The following CTC1 variants were observed in gnomAD, a reference collection of about 807,000 sequenced individuals.
CTC1 encodes the protein CST telomere replication complex component 1, also known as CST complex subunit CTC1.
Under a neutral mutation model 136.3 loss-of-function variants are expected in CTC1, and 91 were observed. The ratio of observed to expected loss-of-function variants is 0.67; its 90% CI spans 0.56 to 0.79. The LOEUF (loss-of-function observed/expected upper bound fraction) is 0.79. Ranked by LOEUF, CTC1 falls within the 30% of genes least tolerant of loss-of-function variation. CTC1 has a pLI of 0.00. For missense variants in CTC1, 1,432 were observed against 1,498.1 expected, an observed-to-expected ratio of 0.96 and a Z score of 0.73; for synonymous variants, 606 against 613.8, an observed-to-expected ratio of 0.99 and a Z score of 0.19.
intron 1 of CTC1, among the ~76,000 whole-genome samples, chr17:8,246,257 A>AATAC (rs1275188592): frequency 1.3e-5 from 2 of 151,444 alleles, no homozygotes; most frequent in African/African-American, 4.8e-5. Flanking sequence ...GATCCAGATT[A>AATAC]ATACAGGCTG....
intron 14 of CTC1, 121 bp downstream of exon 14, chr17:8,231,605 G>T: frequency 1.6e-6 from 2 of 1,226,622 alleles, no homozygotes; most frequent in Non-Finnish European, 2.4e-6. Flanking sequence ...GCTTTCTGGT[G>T]TATCTAAATC....
intron 22 of CTC1, 32 bp downstream of exon 22, chr17:8,228,471 T>C (rs1042810195): frequency 1.1e-5 from 17 of 1,613,894 alleles, no homozygotes; most frequent in Admixed American, 8.3e-5. Context: ...ATGATCCCCC[T>C]ATCATCATGA....
Position 8,234,580 on chromosome 17 carries a change from C to T in CTC1, c.1693G>A (p.Ala565Thr), listed in dbSNP as rs2151517418. Reference sequence around the variant, plus strand: ...AGAAGGGCCTTAGGGTCAAAGGAGGCCCAGGCCTTACGCTGTCCTTCTTCT... The same window carrying T: ...AGAAGGGCCTTAGGGTCAAAGGAGGTCCAGGCCTTACGCTGTCCTTCTTCT... ...LKEEGQRKAW[A>T]SFDPKALLPL... The change falls in exon 10 of 23, where the codon GCC (alanine) becomes ACC (threonine). Residue 565 changes from alanine to threonine, a missense_variant. Physicochemically the swap from Ala to Thr is moderately conservative, Grantham distance 58. Transcript: ENST00000651323. The T allele has an allele frequency of 6.2e-7, 1 of 1,606,316 alleles. No individual in the cohort carries two copies. The highest frequency in any genetic ancestry group is 8.5e-7 in the Non-Finnish European group (1 of 1,176,338).
At position 8,229,305 on chromosome 17, in the gene CTC1, C is replaced by T. The variant is rs3027242; in HGVS notation, c.3153G>A (p.Arg1051=). 1.2e-6 allele frequency: 2 copies of T among 1,614,176 alleles called. No homozygotes were observed. Among genetic ancestry groups the T allele is most frequent in the Non-Finnish European group, 8.5e-7 (1 of 1,180,034 alleles). Residue 1051 remains arginine (R), a synonymous_variant, in exon 19 of 23, where the codon CGG becomes CGA. Transcript: ENST00000651323. The part of the protein sequence containing the change: ...WVCAYCTSIC[R]QGKCTRLGST... ...GCCTGTTCCTTCCCTCCCTTACCTG[C>T]CGGCAGATGCTGGTACAATAAGCAC...
rs750590582 is a variant in CTC1, at chr17:8,230,390, A to G, written c.2837T>C (p.Leu946Pro). 6.2e-7 allele frequency: 1 copy of G among 1,614,164 alleles called. No homozygotes were observed. The highest frequency in any genetic ancestry group is 8.5e-7 in the Non-Finnish European group (1 of 1,180,028). ...GTGTGGGTCTTCTATATATACATCCAGGTGAGGGGGGAATTCACATTCAGC... is the reference window on the plus strand; with the variant it reads ...GTGTGGGTCTTCTATATATACATCCGGGTGAGGGGGGAATTCACATTCAGC... ...ETAECEFPPHLDVYIEDPHLP... is the reference protein window; with the variant it reads ...ETAECEFPPHPDVYIEDPHLP... The change falls in exon 17 of 23, where the codon CTG becomes CCG. Residue 946 changes from leucine to proline, a missense_variant. Transcript: ENST00000651323.
chr17:8,233,239 G>A (rs890835375), intron 10 of CTC1: 25 of 561,548 alleles, frequency 4.5e-5, no homozygotes, highest in African/African-American at 1.5e-4. Flanking sequence ...AAGAGAAAGC[G>A]CACAAATAGA....
Position 8,228,792 on chromosome 17 carries a change from G to A in CTC1, c.3322C>T (p.Leu1108=). 6.2e-7 allele frequency: 1 copy of A among 1,614,108 alleles called. No homozygotes were observed. Among genetic ancestry groups the A allele is most frequent in the Non-Finnish European group, 8.5e-7 (1 of 1,180,006 alleles). ...CTGCCTGGCACTTGGACGAAATCTA[G>A]GAGGGAGGCCCACTCTCTAGGACAC... ...GLCPREWASL[L]DFVQVPGRVV... Residue 1108 remains leucine (L), a synonymous_variant, in exon 21 of 23, where the codon CTA becomes TTA. Coordinates refer to ENST00000651323, the MANE Select transcript of CTC1 (RefSeq NM_025099.6).
At position 8,235,233 on chromosome 17, in the gene CTC1, A is replaced by G. The variant is rs1400316079; in HGVS notation, c.1259T>C (p.Val420Ala). The stretch of plus-strand genomic sequence containing the variant: ...GGCGCCACGGAGGCAGGGGGCGAGC[A>G]CTGGCCTTCTTGTCCCCCCTCCCAC... ...QSVGGGTRRP[V>A]LAPCLRGAVL... The change falls in exon 8 of 23, where the codon GTG becomes GCG. Residue 420 changes from valine to alanine, a missense_variant. By Grantham distance (64) the Val-to-Ala change is moderately conservative (BLOSUM62 0). Coordinates refer to ENST00000651323, the MANE Select transcript of CTC1 (RefSeq NM_025099.6). The G allele has an allele frequency of 6.2e-7, 1 of 1,614,010 alleles. No individual in the cohort carries two copies. Among genetic ancestry groups the G allele is most frequent in the Non-Finnish European group, 8.5e-7 (1 of 1,180,020 alleles).
At chr17:8,242,553 A>AATATAT (rs1242237744) in intron 2 of CTC1, among the ~76,000 whole-genome samples, 22 of 60,382 alleles carry the variant, frequency 3.6e-4, no homozygotes, top group African/African-American at 1.2e-3. Flanking sequence ...AAAAAAAAAA[A>AATATAT]ATATATATAT....
In CTC1 at chr17:8,226,376, T is replaced by C. The variant is rs1006423678; in HGVS notation, c.*1804A>G. On this transcript the variant is annotated 3_prime_UTR_variant, in exon 23 of 23. Transcript: ENST00000651323. ...AGAGCTAGGAACCCGGACCGAGCTTTTTCAGATCTTTCTAGAACTAATTTG... is the reference window on the plus strand; with the variant it reads ...AGAGCTAGGAACCCGGACCGAGCTTCTTCAGATCTTTCTAGAACTAATTTG... 6.6e-6 allele frequency: 1 copy of C among 152,186 alleles called. No individual in the cohort carries two copies. Among genetic ancestry groups the C allele is most frequent in the African/African-American group, 2.4e-5 (1 of 41,456 alleles). 9.4% of individuals were successfully genotyped at this position (152,186 alleles called of 1,614,324 possible). A position where few individuals can be genotyped will look rare whatever the true frequency, so the allele number is the denominator to read the frequency against.
rs933500736 is a variant in CTC1, at chr17:8,226,568, C to T, written c.*1612G>A. ...AGGGTGCCGACTGGATCATCCCATCCTGGAGAGAAATATGGTCAGTATGCT... is the reference window on the plus strand; with the variant it reads ...AGGGTGCCGACTGGATCATCCCATCTTGGAGAGAAATATGGTCAGTATGCT... On this transcript the variant is annotated 3_prime_UTR_variant, in exon 23 of 23. Coordinates refer to ENST00000651323, the MANE Select transcript of CTC1 (RefSeq NM_025099.6). The T allele has an allele frequency of 1.3e-5, 2 of 152,028 alleles. No individual in the cohort carries two copies. The highest frequency in any genetic ancestry group is 4.8e-5 in the African/African-American group (2 of 41,366). 9.4% of individuals were successfully genotyped at this position (152,028 alleles called of 1,614,324 possible). A position where few individuals can be genotyped will look rare whatever the true frequency, so the allele number is the denominator to read the frequency against.
At position 8,243,082 on chromosome 17, in the gene CTC1, G is replaced by A. The variant is rs374857685; in HGVS notation, c.100C>T (p.Pro34Ser). Reference sequence around the variant, plus strand: ...ACCAATGGAGTCAACTGGACATTAGGCTCCTTGACAGCTGGACACAGGGTC... The same window carrying A: ...ACCAATGGAGTCAACTGGACATTAGACTCCTTGACAGCTGGACACAGGGTC... ...QKTLCPAVKE[P>S]NVQLTPLVID... The change falls in exon 2 of 23, where the codon CCT becomes TCT. Residue 34 changes from proline to serine, a missense_variant. Pro to Ser is a moderately conservative substitution (Grantham distance 74). Transcript: ENST00000651323. 6.8e-6 allele frequency: 11 copies of A among 1,613,662 alleles called. No individual in the cohort carries two copies. Among genetic ancestry groups the A allele is most frequent in the Non-Finnish European group, 9.3e-6 (11 of 1,179,728 alleles).
chr17:8,228,745 C>A lies in CTC1; in HGVS notation c.3369G>T (p.Gly1123=), dbSNP rs759771248. 3 of 1,614,082 alleles carry A rather than the reference C, an allele frequency of 1.9e-6. No homozygotes were observed. The highest frequency in any genetic ancestry group is 2.2e-5 in the South Asian group (2 of 91,074). The change falls in exon 21 of 23, where the codon GGG becomes GGT. Residue 1123 remains glycine (G), a synonymous_variant. Coordinates refer to ENST00000651323, the MANE Select transcript of CTC1 (RefSeq NM_025099.6). The part of the protein sequence containing the change: ...VPGRVVLQFA[G]PGAQLESSAR... ...ATTACACCTCAAGTTGGGCTCCAGG[C>A]CCTGCAAACTGCAAGACCACTCTGC... is the stretch of plus-strand genomic sequence containing the variant.
At chr17:8,236,470 T>G in intron 5 of CTC1, 128 bp from the exon 6 acceptor site, 1 of 930,598 alleles carries the variant, frequency 1.1e-6, no homozygotes, top group Non-Finnish European at 1.6e-6. Flanking sequence ...CCTCTCCATC[T>G]TCCCTATGTC....
Position 8,232,453 on chromosome 17 carries a change from C to A in CTC1, c.1968G>T (p.Arg656Ser). The change falls in exon 12 of 23, where the codon AGG (arginine) becomes AGT (serine). Residue 656 changes from arginine (R) to serine (S), a missense_variant. Transcript: ENST00000651323. Reference sequence around the variant, plus strand: ...CGTCCCTCTCTACGATCAACTGAAACCTCTCTGCCCGCACCAGGCAGCCTA... The same window carrying A: ...CGTCCCTCTCTACGATCAACTGAAAACTCTCTGCCCGCACCAGGCAGCCTA... ...RLIGCLVRAE[R>S]FQLIVERDVR... 1 of 1,614,116 alleles carries A rather than the reference C, an allele frequency of 6.2e-7. No individual in the cohort carries two copies. Among genetic ancestry groups the A allele is most frequent in the South Asian group, 1.1e-5 (1 of 91,084 alleles).
rs376349076 is a variant in CTC1 at position 8,229,194 on chromosome 17, G to A, written c.3169C>T (p.Arg1057Cys). ...TGCGTAGGGCAAGTGGAGCCCAGGC[G>A]AGTGCACTTTCCCTGGGATGAAGAC... ...TSICRQGKCTRLGSTCPTQTA... is the reference protein window; with the variant it reads ...TSICRQGKCTCLGSTCPTQTA... Residue 1057 changes from arginine to cysteine, a missense_variant, in exon 20 of 23, where the codon CGC (arginine) becomes TGC (cysteine). Physicochemically the swap from Arg to Cys is radical, Grantham distance 180. Transcript: ENST00000651323. 10 of 1,614,160 alleles carry A rather than the reference G, an allele frequency of 6.2e-6. No homozygotes were observed. Among genetic ancestry groups the A allele is most frequent in the South Asian group, 2.2e-5 (2 of 91,062 alleles).
At chr17:8,232,550 G>A (rs1336468576) in intron 11 of CTC1, 75 bp from the exon 12 acceptor site, 8 of 1,216,632 alleles carry the variant, frequency 6.6e-6, no homozygotes, top group African/African-American at 4.5e-5. Flanking sequence ...CCATCCTACC[G>A]GCCTCACTAC....
chr17:8,228,417 C>T, intron 22 of CTC1, 86 bp downstream of exon 22: 2 of 1,609,418 alleles, frequency 1.2e-6, no homozygotes, highest in Non-Finnish European at 8.5e-7. Flanking sequence ...CCCCATCAGT[C>T]CCTCATCCCT....
intron 2 of CTC1, among the ~76,000 whole-genome samples, chr17:8,239,884 A>G (rs931935695): frequency 6.6e-6 from 1 of 152,170 alleles, no homozygotes; most frequent in Admixed American, 6.5e-5. Flanking sequence ...CTTCCCTGAC[A>G]GCTTTGGAGA....
Sources: gnomAD v4.1 joint callset for allele counts (sites outside exome capture counted in the v4.1 genomes callset) on GRCh38, gnomAD v4.1.1 for gene constraint, MANE v1.5 for transcripts, NCBI Gene and HGNC (gene_info 2026-07-23, HGNC 2026-07-21) for gene names.